Variants in ITGA9 observed in about 807,000 individuals in gnomAD.
The protein encoded by ITGA9 is integrin alpha-9.
A neutral mutation model predicts 127.8 loss-of-function variants in ITGA9; 56 were observed. The ratio of observed to expected loss-of-function variants is 0.44; its 90% confidence interval spans 0.35 to 0.55. The LOEUF is 0.55. Among genes scored for constraint, ITGA9 ranks in the 20% least tolerant of loss-of-function variants. ITGA9 has a pLI of 0.00. For missense variants in ITGA9, 1,196 were observed against 1,347.1 expected (o/e 0.89, Z 1.76); for synonymous variants, 508 against 514.5 (o/e 0.99, Z 0.17).
intron 16 of ITGA9, among the ~76,000 whole-genome samples, chr3:37,652,474 G>A (rs1700438743): frequency 1.3e-5 from 2 of 152,162 alleles, no homozygotes; most frequent in Admixed American, 1.3e-4. Context: ...TATTTTCCCT[G>A]ATAATCAAGG....
At chr3:37,466,125 G>A (rs953343037) in intron 1 of ITGA9, among the ~76,000 whole-genome samples, 11 of 152,004 alleles carry the variant, frequency 7.2e-5, no homozygotes, top group African/African-American at 2.4e-4. Flanking sequence ...CACACTCTAT[G>A]TGCCTGCTAC....
At chr3:37,751,883 C>G (rs775462431) in intron 23 of ITGA9, among the ~76,000 whole-genome samples, 5 of 152,194 alleles carry the variant, frequency 3.3e-5, no homozygotes, top group Non-Finnish European at 5.9e-5. Context: ...GGCCAAGTCT[C>G]CATCTGGATA....
intron 15 of ITGA9, among the ~76,000 whole-genome samples, chr3:37,627,081 G>A (rs913325169): frequency 6.6e-6 from 1 of 152,170 alleles, no homozygotes; most frequent in African/African-American, 2.4e-5. Context: ...AGTATCAAAG[G>A]TCTGCCCCGA....
At chr3:37,791,657 G>C (rs934208530) in intron 26 of ITGA9, among the ~76,000 whole-genome samples, 6 of 152,222 alleles carry the variant, frequency 3.9e-5, no homozygotes, top group Non-Finnish European at 7.3e-5. Flanking sequence ...AGTGATACCA[G>C]CATGAAGCTC....
intron 15 of ITGA9, among the ~76,000 whole-genome samples, chr3:37,569,875 A>T (rs1699584060): frequency 6.6e-6 from 1 of 152,256 alleles, no homozygotes; most frequent in South Asian, 2.1e-4. Context: ...TCTCTTTATT[A>T]TATGGAGATA....
intron 5 of ITGA9, among the ~76,000 whole-genome samples, chr3:37,500,035 G>A (rs768466532): frequency 3.9e-5 from 6 of 152,206 alleles, no homozygotes; most frequent in African/African-American, 9.6e-5. Flanking sequence ...CTGCACTGAG[G>A]ATACATCTGG....
chr3:37,650,907 G>C (rs1331467390), intron 16 of ITGA9, among the ~76,000 whole-genome samples: 1 of 152,226 alleles, frequency 6.6e-6, no homozygotes, highest in Non-Finnish European at 1.5e-5. Context: ...TTATGGGACA[G>C]TGACGAGTGC....
At chr3:37,538,154 C>G (rs992738967) in intron 14 of ITGA9, among the ~76,000 whole-genome samples, 7 of 152,248 alleles carry the variant, frequency 4.6e-5, no homozygotes, top group African/African-American at 1.4e-4. Context: ...ATTTTGCACT[C>G]TGACCCAGTG....
At chr3:37,633,156 C>G (rs1324409641) in intron 16 of ITGA9, among the ~76,000 whole-genome samples, 1 of 152,084 alleles carries the variant, frequency 6.6e-6, no homozygotes, top group Non-Finnish European at 1.5e-5. Context: ...AAGAATGAAG[C>G]TAAGCAATAG....
chr3:37,687,859 G>T (rs1700796267), intron 18 of ITGA9, among the ~76,000 whole-genome samples: 1 of 152,194 alleles, frequency 6.6e-6, no homozygotes, highest in Admixed American at 6.5e-5. Flanking sequence ...TTATTTGGGG[G>T]TGGGCGATCT....
chr3:37,660,615 A>G (rs1188266598), intron 17 of ITGA9, among the ~76,000 whole-genome samples: 4 of 152,204 alleles, frequency 2.6e-5, no homozygotes, highest in African/African-American at 7.2e-5. Flanking sequence ...ATAATGCTTG[A>G]ACAACTAGTG....
intron 18 of ITGA9, among the ~76,000 whole-genome samples, chr3:37,692,406 A>AGT (rs1286569169): frequency 7.3e-6 from 1 of 136,666 alleles, no homozygotes; most frequent in Non-Finnish European, 1.5e-5. Flanking sequence ...ATTGAGAGAG[A>AGT]GAGAGAGTGT....
intron 17 of ITGA9, among the ~76,000 whole-genome samples, chr3:37,660,211 T>G (rs900335625): frequency 3.3e-5 from 5 of 152,180 alleles, no homozygotes; most frequent in South Asian, 2.1e-4. Context: ...TTAAAGAAGT[T>G]TCATAAATTT....
chr3:37,735,433 A>G (rs1332678599), intron 19 of ITGA9, among the ~76,000 whole-genome samples: 2 of 152,222 alleles, frequency 1.3e-5, no homozygotes, highest in Admixed American at 6.5e-5. Context: ...TAATGGACCA[A>G]TGTCCGTTGC....
intron 15 of ITGA9, among the ~76,000 whole-genome samples, chr3:37,567,991 C>T (rs113594833): frequency 3.3e-3 from 510 of 152,352 alleles, no homozygotes; most frequent in Non-Finnish European, 5.4e-3. Context: ...AGTGCCCCAG[C>T]AGGAGTTCTG....
At chr3:37,627,068 A>G in intron 15 of ITGA9, among the ~76,000 whole-genome samples, 1 of 152,328 alleles carries the variant, frequency 6.6e-6, no homozygotes, top group South Asian at 2.1e-4. Flanking sequence ...CCAGAGGGAC[A>G]TGAGTATCAA....
Position 37,750,687 on chromosome 3 carries a change from C to A in ITGA9, c.2541+118C>A, listed in dbSNP as rs1056345466. The A allele has an allele frequency of 7.8e-6, 6 of 769,380 alleles. No homozygotes were observed. In the African/African-American group the frequency reaches 1.0e-4, roughly 13 times the overall value. 47.7% of individuals were successfully genotyped at this position (769,380 alleles called of 1,614,324 possible). A position where few individuals can be genotyped will look rare whatever the true frequency, so the allele number is the denominator to read the frequency against. Reference sequence around the variant, plus strand: ...GGTTTGGAAAATTCAACTCATTCTACCCTTTGGAGACATATCTGGAGAGGC... The same window carrying A: ...GGTTTGGAAAATTCAACTCATTCTAACCTTTGGAGACATATCTGGAGAGGC... On this transcript the variant is annotated intron_variant, in intron 23 of 27. Transcript: ENST00000264741.
At chr3:37,729,500 A>T (rs911614733) in intron 18 of ITGA9, among the ~76,000 whole-genome samples, 1 of 152,170 alleles carries the variant, frequency 6.6e-6, no homozygotes, top group East Asian at 1.9e-4. Context: ...AAATGCTGAT[A>T]TAAATGTTAC....
intron 23 of ITGA9, among the ~76,000 whole-genome samples, chr3:37,758,267 G>A (rs1037565645): frequency 1.6e-4 from 22 of 137,016 alleles, no homozygotes; most frequent in South Asian, 4.8e-4. Flanking sequence ...AGCTTGCAGT[G>A]AGCCGAGATT....
Sources: gnomAD v4.1 joint callset for allele counts (sites outside exome capture counted in the v4.1 genomes callset) on GRCh38, gnomAD v4.1.1 for gene constraint, MANE v1.5 for transcripts, NCBI Gene and HGNC (gene_info 2026-07-23, HGNC 2026-07-21) for gene names.